Variants in ANO1 observed in about 807,000 individuals in gnomAD.
The protein encoded by ANO1 is anoctamin-1.
Under a neutral mutation model 124.0 loss-of-function variants are expected in ANO1, and 59 were observed. That is an observed-to-expected ratio of 0.48 (90% CI 0.39 to 0.59). ANO1 has a LOEUF of 0.59. ANO1 is among the 20% of genes least tolerant of loss of function. ANO1 has a pLI of 0.00. For synonymous variants in ANO1, 529 were observed against 532.0 expected (o/e 0.99, Z 0.08); for missense variants, 1,059 against 1,328.0 (o/e 0.80, Z 3.15).
chr11:70,070,553 G>A (rs1857846384), intron 1 of ANO1, among the ~76,000 whole-genome samples: 1 of 152,182 alleles, frequency 6.6e-6, no homozygotes, highest in Non-Finnish European at 1.5e-5. Context: ...ACGGGTGCCT[G>A]TAATCCCAGC....
At chr11:70,149,926 A>G (rs765161907) in intron 12 of ANO1, 134 bp downstream of exon 12, 1 of 883,900 alleles carries the variant, frequency 1.1e-6, no homozygotes, top group East Asian at 2.7e-5. Context: ...GCCGCCCCCC[A>G]TCCCCCACCC....
intron 1 of ANO1, chr11:70,085,662 C>G: frequency 6.7e-7 from 1 of 1,488,940 alleles, no homozygotes; most frequent in African/African-American, 1.4e-5. Flanking sequence ...ACATCAACAC[C>G]TATGAAAGGT....
In ANO1 at chr11:70,132,011, C is replaced by G; in HGVS notation, c.1190C>G (p.Thr397Arg). 6.2e-7 allele frequency: 1 copy of G among 1,607,164 alleles called. No individual in the cohort carries two copies. Among genetic ancestry groups the G allele is most frequent in the Non-Finnish European group, 8.5e-7 (1 of 1,178,536 alleles). ...SYWKMSSACA[T>R]ARASHLFDNP... ...TGGAAGATGAGCTCAGCCTGCGCCA[C>G]GGCCCGCGCCAGCCACCTCTTCGAC... Residue 397 changes from threonine (T) to arginine (R), a missense_variant, in exon 11 of 26, where the codon ACG becomes AGG. Transcript: ENST00000355303.
chr11:70,157,667 A>G (rs1054001787), intron 16 of ANO1, among the ~76,000 whole-genome samples: 1 of 152,098 alleles, frequency 6.6e-6, no homozygotes, highest in Non-Finnish European at 1.5e-5. Context: ...CAAAGATATC[A>G]TTTAAGATGA....
At chr11:70,130,578 C>T (rs761142919) in intron 10 of ANO1, among the ~76,000 whole-genome samples, 2 of 152,198 alleles carry the variant, frequency 1.3e-5, no homozygotes, top group Non-Finnish European at 2.9e-5. Context: ...CTCTCGCCGC[C>T]GATAGCCTGG....
chr11:70,151,883 TG>T (rs1033025492), intron 12 of ANO1, among the ~76,000 whole-genome samples: 8 of 152,152 alleles, frequency 5.3e-5, no homozygotes, highest in African/African-American at 1.7e-4. Flanking sequence ...CACTGAAATT[TG>T]GAAATTTGGG....
chr11:70,072,952 T>A (rs946415234), intron 1 of ANO1: 2 of 151,948 alleles, frequency 1.3e-5, no homozygotes, highest in African/African-American at 2.4e-5. Context: ...AGGGAGAAAA[T>A]ACATAATCAG....
At chr11:70,027,548 C>A (rs954286907) in intron 1 of ANO1, among the ~76,000 whole-genome samples, 39 of 152,364 alleles carry the variant, frequency 2.6e-4, no homozygotes, top group Admixed American at 9.8e-4. Context: ...ATTCATCAAA[C>A]TGCAAACACT....
At chr11:70,080,579 A>G (rs1298762008) in intron 1 of ANO1, among the ~76,000 whole-genome samples, 1 of 152,184 alleles carries the variant, frequency 6.6e-6, no homozygotes, top group Non-Finnish European at 1.5e-5. Flanking sequence ...TGTCATGAAT[A>G]GCCCCCGGTC....
In ANO1 at chr11:70,028,824, C is replaced by T. The variant is rs188230238; in HGVS notation, c.58+42658C>T. Among the ~76,000 whole-genome samples, 324 of 152,202 alleles carry T rather than the reference C, an allele frequency of 2.1e-3. 1 individual carries two copies. Among genetic ancestry groups the T allele is most frequent in the African/African-American group, 7.2e-3 (298 of 41,530 alleles). On this transcript the variant is annotated intron_variant, in intron 1 of 27. Coordinates refer to the ANO1 transcript ENST00000531349. ...TGAGATGAAATCTTGCTTTGTTGCCCGGGCTAGAGTGCAATGGTACGACCT... is the reference window on the plus strand; with the variant it reads ...TGAGATGAAATCTTGCTTTGTTGCCTGGGCTAGAGTGCAATGGTACGACCT...
At chr11:70,170,233 C>T in intron 21 of ANO1, 2 of 450,690 alleles carry the variant, frequency 4.4e-6, no homozygotes, top group South Asian at 3.1e-5. Context: ...ACGTCCCTTC[C>T]CAGCATGGGC....
upstream of ANO1, among the ~76,000 whole-genome samples, chr11:70,074,618 C>T (rs1555009774): frequency 6.6e-6 from 1 of 152,046 alleles, no homozygotes; most frequent in East Asian, 1.9e-4. Flanking sequence ...GTCCAGTTGA[C>T]ATGCAGGTGA....
intron 1 of ANO1, among the ~76,000 whole-genome samples, chr11:70,009,564 A>T (rs1323601807): frequency 6.6e-6 from 1 of 152,178 alleles, no homozygotes; most frequent in Non-Finnish European, 1.5e-5. Flanking sequence ...GTCTTGGTGC[A>T]TTTTGCGTTG....
intron 25 of ANO1, among the ~76,000 whole-genome samples, chr11:70,187,341 G>C (rs573182103): frequency 3.6e-4 from 55 of 152,228 alleles, no homozygotes; most frequent in Non-Finnish European, 6.6e-4. Context: ...TGTTCAGGGA[G>C]ACCCTGGGAC....
At chr11:70,167,109 T>C in intron 20 of ANO1, 133 bp from the exon 21 acceptor site, 1 of 1,184,738 alleles carries the variant, frequency 8.4e-7, no homozygotes, top group Non-Finnish European at 1.2e-6. Context: ...ACAGGGCCAC[T>C]GCACTCCAGC....
chr11:70,133,684 A>G (rs1023024545), intron 11 of ANO1, among the ~76,000 whole-genome samples: 1 of 152,204 alleles, frequency 6.6e-6, no homozygotes, highest in Non-Finnish European at 1.5e-5. Context: ...CCAACAGTGC[A>G]TAAGAGAATT....
At chr11:69,966,892 G>A in the ANO1 span, among the ~76,000 whole-genome samples, 3 of 152,162 alleles carry the variant, frequency 2.0e-5, no homozygotes, top group African/African-American at 7.2e-5. Context: ...TTCTAGGGTG[G>A]CAAACAACCC....
chr11:70,132,442 G>T (rs2046795397), intron 11 of ANO1, among the ~76,000 whole-genome samples: 1 of 152,212 alleles, frequency 6.6e-6, no homozygotes, highest in East Asian at 1.9e-4. Flanking sequence ...GACCACCACA[G>T]CCTGAAGGAA....
upstream of ANO1, among the ~76,000 whole-genome samples, chr11:70,073,984 G>A (rs147792141): frequency 1.0e-3 from 159 of 152,188 alleles, no homozygotes; most frequent in Middle Eastern, 3.4e-3. Context: ...TGCAAGGGAA[G>A]GAAATGACAG....
Sources: gnomAD v4.1 joint callset for allele counts (sites outside exome capture counted in the v4.1 genomes callset) on GRCh38, gnomAD v4.1.1 for gene constraint, MANE v1.5 for transcripts, NCBI Gene and HGNC (gene_info 2026-07-23, HGNC 2026-07-21) for gene names.